COL22A1: variants seen among roughly 807,000 people sequenced by gnomAD.
COL22A1 encodes the protein collagen alpha-1(XXII) chain.
A neutral mutation model predicts 248.9 loss-of-function variants in COL22A1; 221 were observed. The ratio of observed to expected loss-of-function variants is 0.89; its 90% confidence interval spans 0.80 to 0.99. The LOEUF is 0.99. Among genes scored for constraint, COL22A1 ranks in the 50% least tolerant of loss-of-function variants. The pLI is 0.00. For synonymous variants in COL22A1, 891 were observed against 793.4 expected (o/e 1.12, Z -2.07); for missense variants, 2,240 against 2,179.0 (o/e 1.03, Z -0.56).
intron 16 of COL22A1, among the ~76,000 whole-genome samples, chr8:138,772,498 A>T (rs73361025): frequency 0.084 from 12,772 of 152,022 alleles, 798 homozygotes; most frequent in African/African-American, 0.18. Flanking sequence ...AAGCGTATTT[A>T]AAAAAAAGAT....
At chr8:138,702,935 C>T (rs1196519248) in intron 31 of COL22A1, among the ~76,000 whole-genome samples, 2 of 152,154 alleles carry the variant, frequency 1.3e-5, no homozygotes, top group East Asian at 3.9e-4. Context: ...CCATGCCCAC[C>T]CTAACACGTA....
Position 138,796,817 on chromosome 8 carries a change from ACCTTTTCAC to A in COL22A1, c.1589_1596+1del. On this transcript the variant is annotated splice_donor_variant and coding_sequence_variant, in exon 12 of 65. Coordinates refer to ENST00000303045, the MANE Select transcript of COL22A1 (RefSeq NM_152888.3). LOFTEE classifies it high-confidence loss of function. Reference sequence around the variant, plus strand: ...GGAGTGTGATAAAAGGAAGATGCTTACCTTTTCACCCTTTTCCCCTTGGCCAAAAGGTCC... The same window carrying A: ...GGAGTGTGATAAAAGGAAGATGCTTACCTTTTCCCCTTGGCCAAAAGGTCC... 2 of 1,592,846 alleles carry A rather than the reference ACCTTTTCAC, an allele frequency of 1.3e-6. No individual in the cohort carries two copies. The highest frequency in any genetic ancestry group is 1.7e-6 in the Non-Finnish European group (2 of 1,160,742).
chr8:138,892,165 A>G (rs796955067), intron 1 of COL22A1, among the ~76,000 whole-genome samples: 3 of 152,314 alleles, frequency 2.0e-5, no homozygotes, highest in African/African-American at 7.2e-5. Flanking sequence ...GTTAAGAAGT[A>G]TTCCCTCTGC....
chr8:138,784,392 C>T (rs1815318907), intron 12 of COL22A1, among the ~76,000 whole-genome samples: 2 of 152,236 alleles, frequency 1.3e-5, no homozygotes, highest in African/African-American at 4.8e-5. Context: ...CTATCACAAG[C>T]ATCTTCCTTG....
At chr8:138,817,996 T>C (rs1481264040) in intron 7 of COL22A1, among the ~76,000 whole-genome samples, 1 of 152,224 alleles carries the variant, frequency 6.6e-6, no homozygotes, top group African/African-American at 2.4e-5. Context: ...GCACTTATTT[T>C]AGGAGACTTT....
At chr8:138,805,266 A>G (rs1250827937) in intron 10 of COL22A1, among the ~76,000 whole-genome samples, 1 of 98,450 alleles carries the variant, frequency 1.0e-5, no homozygotes. Flanking sequence ...GTGAGCATGC[A>G]TGTGTGTGTG....
At position 138,833,133 on chromosome 8, in the gene COL22A1, A is replaced by C. The variant is rs1382222056; in HGVS notation, c.751T>G (p.Leu251Val). Residue 251 changes from leucine to valine, a missense_variant, in exon 5 of 65, where the codon TTG becomes GTG. Transcript: ENST00000303045. Reference sequence around the variant, plus strand: ...CCCAAGATTTCCTTCACACTGAACAAATCCATCAGGTCAAAACCTGTACAA... The same window carrying C: ...CCCAAGATTTCCTTCACACTGAACACATCCATCAGGTCAAAACCTGTACAA... ...KEITGFDLMD[L>V]FSVKEILGKR... is the part of the protein sequence containing the mutation. 1.9e-6 allele frequency: 3 copies of C among 1,612,762 alleles called. No individual in the cohort carries two copies. Among genetic ancestry groups the C allele is most frequent in the Non-Finnish European group, 2.5e-6 (3 of 1,178,704 alleles).
intron 53 of COL22A1, among the ~76,000 whole-genome samples, chr8:138,617,300 C>T (rs1192524645): frequency 1.3e-5 from 2 of 152,168 alleles, no homozygotes; most frequent in Non-Finnish European, 2.9e-5. Context: ...CTTGGCCCGC[C>T]CCTCTCTGCA....
At chr8:138,606,491 C>T (rs781670407) in intron 57 of COL22A1, 39 bp from the exon 58 acceptor site, 59 of 1,594,054 alleles carry the variant, frequency 3.7e-5, no homozygotes, top group Admixed American at 8.5e-5. Context: ...CTCAAGGTCA[C>T]GTACCAACTC....
chr8:138,758,059 A>G (rs1178122118), intron 18 of COL22A1, among the ~76,000 whole-genome samples: 1 of 152,062 alleles, frequency 6.6e-6, no homozygotes, highest in African/African-American at 2.4e-5. Context: ...CTTTCCCCCA[A>G]CCTTGAACCA....
chr8:138,878,068 T>A lies in COL22A1; in HGVS notation c.340A>T (p.Asn114Tyr). Residue 114 changes from asparagine (N) to tyrosine (Y), a missense_variant, in exon 3 of 65, where the codon AAC becomes TAC. Coordinates refer to ENST00000303045, the MANE Select transcript of COL22A1 (RefSeq NM_152888.3). ...AARRLAYHGGNTNTGDALRYI... is the reference protein window; with the variant it reads ...AARRLAYHGGYTNTGDALRYI... ...CGGAGCGCGTCTCCCGTGTTGGTGT[T>A]GCCCCCGTGGTAGGCGAGACGCCGG... 1 of 1,598,278 alleles carries A rather than the reference T, an allele frequency of 6.3e-7. No individual in the cohort carries two copies. Among genetic ancestry groups the A allele is most frequent in the Non-Finnish European group, 8.5e-7 (1 of 1,173,230 alleles).
In COL22A1 at chr8:138,588,929, G is replaced by A. The variant is rs1386864839; in HGVS notation, c.*324C>T. On this transcript the variant is annotated 3_prime_UTR_variant, in exon 65 of 65. Transcript: ENST00000303045. Reference sequence around the variant, plus strand: ...ACGCGTCAGATGGGGGCTGTCAGAAGAATGAAGAAACAATCTCCTGCCCCA... The same window carrying A: ...ACGCGTCAGATGGGGGCTGTCAGAAAAATGAAGAAACAATCTCCTGCCCCA... The A allele has an allele frequency of 4.9e-6, 1 of 202,098 alleles. No individual in the cohort carries two copies. The highest frequency in any genetic ancestry group is 2.3e-5 in the African/African-American group (1 of 43,102). The allele number at this position is 202,098 out of a possible 1,614,324, so 12.5% of individuals were successfully genotyped here.
chr8:138,805,476 TG>T (rs1200482840), intron 10 of COL22A1, among the ~76,000 whole-genome samples: 20 of 143,726 alleles, frequency 1.4e-4, no homozygotes, highest in African/African-American at 5.2e-4. Context: ...TGTAATGATA[TG>T]GGATGGCATG....
At chr8:138,752,513 A>T (rs928250798) in intron 21 of COL22A1, among the ~76,000 whole-genome samples, 1 of 145,276 alleles carries the variant, frequency 6.9e-6, no homozygotes, top group African/African-American at 2.6e-5. Flanking sequence ...TCTTCCTAAC[A>T]AGGAGATTCT....
Position 138,646,695 on chromosome 8 carries a change from T to A in COL22A1, c.3448-13A>T. The A allele has an allele frequency of 6.4e-7, 1 of 1,553,240 alleles. No homozygotes were observed. ...GCCCAGCCTCTCCCTGTATCAGGGA[T>A]ACAAGAAAAAAAAAGAAAACAAGAA... On this transcript the variant is annotated splice_polypyrimidine_tract_variant and intron_variant, in intron 46 of 64. Transcript: ENST00000303045.
chr8:138,806,028 GGT>G (rs1563787952), intron 10 of COL22A1, among the ~76,000 whole-genome samples: 46 of 106,802 alleles, frequency 4.3e-4, no homozygotes, highest in Middle Eastern at 4.8e-3. Flanking sequence ...AATGGTGTGT[GGT>G]TGTGTGTGTG....
At chr8:138,787,002 C>T (rs1357446743) in intron 12 of COL22A1, among the ~76,000 whole-genome samples, 1 of 152,220 alleles carries the variant, frequency 6.6e-6, no homozygotes, top group Admixed American at 6.5e-5. Flanking sequence ...CTATGAGCCT[C>T]TCATCCTTTC....
intron 57 of COL22A1, among the ~76,000 whole-genome samples, chr8:138,606,861 A>G (rs372835143): frequency 4.5e-4 from 68 of 152,240 alleles, no homozygotes; most frequent in African/African-American, 1.4e-3. Flanking sequence ...TTCAACTTCA[A>G]CTTTTCTGGG....
chr8:138,832,821 A>G (rs1820152690), intron 5 of COL22A1, among the ~76,000 whole-genome samples: 2 of 152,228 alleles, frequency 1.3e-5, no homozygotes, highest in Admixed American at 6.5e-5. Flanking sequence ...GTGTAGAAGG[A>G]TCAGAGAACC....
Sources: allele counts gnomAD v4.1 joint callset (sites outside exome capture counted in the v4.1 genomes callset), GRCh38; gene constraint gnomAD v4.1.1; transcripts MANE v1.5; gene names NCBI Gene and HGNC (gene_info 2026-07-23, HGNC 2026-07-21).